Variants in FMN1 observed in about 807,000 individuals in gnomAD.
FMN1 encodes formin-1.
Under a neutral mutation model 132.4 loss-of-function variants are expected in FMN1, and 110 were observed. The ratio of observed to expected loss-of-function variants is 0.83; its 90% CI spans 0.71 to 0.97. The LOEUF (loss-of-function observed/expected upper bound fraction) is 0.97, where lower values mean the gene tolerates loss of function less well. Ranked by LOEUF, FMN1 falls within the 50% of genes least tolerant of loss-of-function variation. FMN1 has a pLI of 0.00. For synonymous variants in FMN1, 722 were observed against 651.7 expected, an observed-to-expected ratio of 1.11 and a Z score of -1.64; for missense variants, 1,792 against 1,705.3, an observed-to-expected ratio of 1.05 and a Z score of -0.90.
chr15:33,147,431 T>C (rs540239400), intron 4 of FMN1, among the ~76,000 whole-genome samples: 1 of 152,366 alleles, frequency 6.6e-6, no homozygotes, highest in East Asian at 1.9e-4. Flanking sequence ...AATCATGGTG[T>C]TATTCTGCTA....
intron 15 of FMN1, among the ~76,000 whole-genome samples, chr15:32,893,792 T>C (rs1023737244): frequency 6.6e-6 from 1 of 152,264 alleles, no homozygotes; most frequent in Non-Finnish European, 1.5e-5. Context: ...TTTTCCTCTG[T>C]GAAGTTGATT....
At chr15:33,122,291 T>C (rs1962640348) in intron 4 of FMN1, among the ~76,000 whole-genome samples, 1 of 150,514 alleles carries the variant, frequency 6.6e-6, no homozygotes, top group Non-Finnish European at 1.5e-5. Context: ...CGTAAAACGT[T>C]GTTGTGTTCC....
chr15:33,031,365 C>T (rs541559093), intron 6 of FMN1, among the ~76,000 whole-genome samples: 2 of 152,306 alleles, frequency 1.3e-5, no homozygotes, highest in East Asian at 3.9e-4. Flanking sequence ...ACAAACTTCA[C>T]AGAGGACTTG....
chr15:32,965,408 T>C (rs1262090403), intron 8 of FMN1, among the ~76,000 whole-genome samples: 1 of 151,996 alleles, frequency 6.6e-6, no homozygotes, highest in East Asian at 1.9e-4. Context: ...TCAAAAATAA[T>C]AATAATAATA....
At chr15:33,019,071 C>G (rs1452317601) in intron 6 of FMN1, among the ~76,000 whole-genome samples, 1 of 152,156 alleles carries the variant, frequency 6.6e-6, no homozygotes, top group Non-Finnish European at 1.5e-5. Flanking sequence ...CTCCGGCAGC[C>G]TGCTTTTATT....
chr15:32,909,912 C>G (rs1233215117), intron 11 of FMN1, among the ~76,000 whole-genome samples: 1 of 152,066 alleles, frequency 6.6e-6, no homozygotes, highest in African/African-American at 2.4e-5. Context: ...TACTATAATC[C>G]CCGCTATACT....
intron 4 of FMN1, among the ~76,000 whole-genome samples, chr15:33,091,893 G>A (rs180765238): frequency 6.6e-6 from 1 of 152,258 alleles, no homozygotes; most frequent in Non-Finnish European, 1.5e-5. Flanking sequence ...AATAGATTTG[G>A]GGGTGTTAGA....
intron 5 of FMN1, chr15:33,067,740 T>G: frequency 6.2e-7 from 1 of 1,614,024 alleles, no homozygotes. Flanking sequence ...TCTTCTGGAT[T>G]CACAGATTCT....
intron 20 of FMN1, among the ~76,000 whole-genome samples, chr15:32,775,545 C>T (rs1297114170): frequency 6.6e-6 from 1 of 152,192 alleles, no homozygotes; most frequent in African/African-American, 2.4e-5. Context: ...AATCAGGGTT[C>T]AGCCGACTGC....
chr15:33,154,817 G>A lies in FMN1; in HGVS notation c.98C>T (p.Ser33Leu), dbSNP rs1481546795. The change falls in exon 4 of 21, where the codon TCA (serine) becomes TTA (leucine). Residue 33 changes from serine to leucine, a missense_variant. Transcript: ENST00000616417. ...CLPKGEVRGFSYKGTVTLDRS... is the reference protein window; with the variant it reads ...CLPKGEVRGFLYKGTVTLDRS... ...GTCTAGAGTTACAGTGCCCTTGTAT[G>A]AAAATCCTCTGACTTCCCCCTTTGG... The A allele has an allele frequency of 2.6e-6, 4 of 1,536,040 alleles. No homozygotes were observed. The highest frequency in any genetic ancestry group is 2.6e-6 in the Non-Finnish European group (3 of 1,146,926).
intron 3 of FMN1, among the ~76,000 whole-genome samples, chr15:33,169,813 T>C (rs1380562335): frequency 1.3e-5 from 2 of 149,668 alleles, no homozygotes; most frequent in Non-Finnish European, 3.0e-5. Context: ...AAAATAAATC[T>C]GTGAACCAGA....
intron 4 of FMN1, among the ~76,000 whole-genome samples, chr15:33,119,445 C>T (rs1962342097): frequency 6.6e-6 from 1 of 152,214 alleles, no homozygotes; most frequent in Non-Finnish European, 1.5e-5. Flanking sequence ...CCTGCTCCAT[C>T]GCAAGAGCAA....
chr15:33,013,609 A>G (rs1233171336), intron 6 of FMN1, among the ~76,000 whole-genome samples: 1 of 152,246 alleles, frequency 6.6e-6, no homozygotes, highest in Non-Finnish European at 1.5e-5. Flanking sequence ...AAGAAAAAAT[A>G]CTTCTCTTTT....
chr15:33,042,373 C>G (rs1444154579), intron 6 of FMN1, among the ~76,000 whole-genome samples: 1 of 152,104 alleles, frequency 6.6e-6, no homozygotes, highest in African/African-American at 2.4e-5. Flanking sequence ...CATTTCATAG[C>G]TCTTGAGAAA....
intron 3 of FMN1, among the ~76,000 whole-genome samples, chr15:33,165,730 T>C (rs1031642795): frequency 6.6e-6 from 1 of 152,130 alleles, no homozygotes; most frequent in African/African-American, 2.4e-5. Context: ...GAGACGATTG[T>C]AACCCCATTT....
intron 6 of FMN1, among the ~76,000 whole-genome samples, chr15:33,014,238 T>G (rs1473904584): frequency 6.6e-6 from 1 of 152,226 alleles, no homozygotes; most frequent in Non-Finnish European, 1.5e-5. Context: ...CAAAACTAAG[T>G]TAGTGCTTTC....
intron 7 of FMN1, among the ~76,000 whole-genome samples, chr15:32,979,053 A>T (rs1304045125): frequency 6.6e-6 from 1 of 152,224 alleles, no homozygotes; most frequent in African/African-American, 2.4e-5. Context: ...CCGCAACTTT[A>T]CAAATGATAC....
rs148150604 is a variant in FMN1 at position 32,831,386 on chromosome 15, A to G, written c.3928+25629T>C. ...GCACCTGGCTAATACCGTTGCTAATAATATAACGCACATATCATGGAAGCT... is the reference window on the plus strand; with the variant it reads ...GCACCTGGCTAATACCGTTGCTAATGATATAACGCACATATCATGGAAGCT... On this transcript the variant is annotated intron_variant, in intron 17 of 20. Transcript: ENST00000616417. Among the ~76,000 whole-genome samples the G allele has an allele frequency of 4.6e-3, 700 of 152,136 alleles. 10 individuals carry two copies. The highest frequency in any genetic ancestry group is 0.016 in the African/African-American group (667 of 41,500).
intron 19 of FMN1, among the ~76,000 whole-genome samples, chr15:32,778,862 C>T (rs1037030937): frequency 6.6e-6 from 1 of 151,986 alleles, no homozygotes; most frequent in Non-Finnish European, 1.5e-5. Context: ...TAAAAATTTG[C>T]ATATGAATGT....
Sources: gnomAD v4.1 joint callset for allele counts (sites outside exome capture counted in the v4.1 genomes callset) on GRCh38, gnomAD v4.1.1 for gene constraint, MANE v1.5 for transcripts, NCBI Gene and HGNC (gene_info 2026-07-23, HGNC 2026-07-21) for gene names.